Variants in SMOC2 observed in about 807,000 individuals in gnomAD.
SMOC2 encodes the protein SPARC-related modular calcium-binding protein 2.
Under a neutral mutation model 61.4 loss-of-function variants are expected in SMOC2, and 39 were observed. The ratio of observed to expected loss-of-function variants is 0.64; its 90% CI spans 0.49 to 0.83. The LOEUF (loss-of-function observed/expected upper bound fraction) is 0.83, where lower values mean the gene tolerates loss of function less well. Among genes scored for constraint, SMOC2 ranks in the 40% least tolerant of loss-of-function variants. The probability of loss-of-function intolerance (pLI) is 0.00; values close to 1 mark genes in which losing one functional copy is unlikely to be tolerated. For missense variants in SMOC2, 556 were observed against 592.9 expected (o/e 0.94, Z 0.65); for synonymous variants, 247 against 239.9 (o/e 1.03, Z -0.27).
chr6:168,526,350 G>T lies in SMOC2; in HGVS notation c.261G>T (p.Val87=). The T allele has an allele frequency of 6.2e-7, 1 of 1,614,098 alleles. No homozygotes were observed. Among genetic ancestry groups the T allele is most frequent in the Non-Finnish European group, 8.5e-7 (1 of 1,179,922 alleles). The change falls in exon 3 of 13, where the codon GTG becomes GTT. Residue 87 remains valine, a synonymous_variant. Transcript: ENST00000356284. ...EIAYRGNCKD[V]SRCVAERKYT... Reference sequence around the variant, plus strand: ...CTGCCCTGTTCTTCCCTACAGACGTGTCCAGGTGTGTGGCCGAAAGGAAGT... The same window carrying T: ...CTGCCCTGTTCTTCCCTACAGACGTTTCCAGGTGTGTGGCCGAAAGGAAGT...
chr6:168,601,580 G>A (rs1391817724), intron 8 of SMOC2, among the ~76,000 whole-genome samples: 12 of 152,294 alleles, frequency 7.9e-5, no homozygotes, highest in Admixed American at 2.0e-4. Flanking sequence ...ATGTTTCTGC[G>A]TATCTTAGAG....
At chr6:168,607,563 T>C (rs994126284) in intron 8 of SMOC2, among the ~76,000 whole-genome samples, 21 of 150,072 alleles carry the variant, frequency 1.4e-4, no homozygotes, top group Non-Finnish European at 2.7e-4. Context: ...TTGTCATTGA[T>C]GCTAAGTGGG....
At chr6:168,653,786 C>A (rs1196916585) in intron 11 of SMOC2, among the ~76,000 whole-genome samples, 2 of 148,966 alleles carry the variant, frequency 1.3e-5, no homozygotes, top group Non-Finnish European at 3.0e-5. Context: ...TACCTGAGCT[C>A]CAACCAGATG....
At chr6:168,614,300 C>T (rs1316901616) in intron 9 of SMOC2, among the ~76,000 whole-genome samples, 10 of 71,370 alleles carry the variant, frequency 1.4e-4, no homozygotes, top group Non-Finnish European at 1.9e-4. Context: ...GGCCTCTTCA[C>T]ACCTACAGCC....
intron 9 of SMOC2, among the ~76,000 whole-genome samples, chr6:168,626,883 C>T (rs1583170934): frequency 6.6e-6 from 1 of 152,194 alleles, no homozygotes; most frequent in South Asian, 2.1e-4. Context: ...GGGGCCCTGA[C>T]AGCCCAGTTC....
At chr6:168,564,426 T>C (rs1195968900) in intron 7 of SMOC2, among the ~76,000 whole-genome samples, 1 of 152,224 alleles carries the variant, frequency 6.6e-6, no homozygotes, top group Non-Finnish European at 1.5e-5. Flanking sequence ...TCAGACTTTA[T>C]GACAAATCCT....
rs1389124027 is a variant in SMOC2 at position 168,452,608 on chromosome 6, T to G, written c.84+11154T>G. Reference sequence around the variant, plus strand: ...GAACAATAAGTGCAGCAAATCAAAATTTCTGTGCTCAGATATTCAAAACAC... The same window carrying G: ...GAACAATAAGTGCAGCAAATCAAAAGTTCTGTGCTCAGATATTCAAAACAC... On this transcript the variant is annotated intron_variant, in intron 1 of 12. Transcript: ENST00000356284. This position sits in a 1 kb window ranked among gnomAD's most constrained non-coding sequence, Gnocchi z 5.0. Among the ~76,000 whole-genome samples, 1 of 152,246 alleles carries G rather than the reference T, an allele frequency of 6.6e-6. No homozygotes were observed. Among genetic ancestry groups the G allele is most frequent in the Non-Finnish European group, 1.5e-5 (1 of 68,044 alleles).
chr6:168,503,706 C>T (rs758923046), intron 1 of SMOC2, among the ~76,000 whole-genome samples: 22 of 152,232 alleles, frequency 1.4e-4, no homozygotes, highest in African/African-American at 3.4e-4. Flanking sequence ...CAGAGCCCAG[C>T]GGCACCACCC....
At chr6:168,444,922 G>A (rs563374790) in intron 1 of SMOC2, among the ~76,000 whole-genome samples, 1 of 152,250 alleles carries the variant, frequency 6.6e-6, no homozygotes, top group Admixed American at 6.5e-5. Context: ...TTTGGTTAGA[G>A]CCAAAGTATT....
At chr6:168,588,950 T>A (rs1785109359) in intron 7 of SMOC2, among the ~76,000 whole-genome samples, 2 of 146,372 alleles carry the variant, frequency 1.4e-5, no homozygotes, top group African/African-American at 4.9e-5. Context: ...CGTGGTGGTG[T>A]GTCCCTGTAG....
At chr6:168,581,483 A>G (rs1180115704) in intron 7 of SMOC2, among the ~76,000 whole-genome samples, 1 of 152,172 alleles carries the variant, frequency 6.6e-6, no homozygotes, top group East Asian at 1.9e-4. Context: ...GAAGCCCCGG[A>G]CGGGTCTGAC....
At chr6:168,469,176 G>A (rs1197738886) in intron 1 of SMOC2, among the ~76,000 whole-genome samples, 1 of 152,192 alleles carries the variant, frequency 6.6e-6, no homozygotes, top group East Asian at 1.9e-4. Context: ...GATGAAAGGG[G>A]CTGGTTCTCA....
intron 2 of SMOC2, among the ~76,000 whole-genome samples, chr6:168,515,325 G>A (rs1256343894): frequency 6.6e-6 from 1 of 152,218 alleles, no homozygotes; most frequent in African/African-American, 2.4e-5. Context: ...TGCCAAGGCG[G>A]CAAACGTTAC....
At chr6:168,608,519 C>T (rs2115204317) in intron 9 of SMOC2, among the ~76,000 whole-genome samples, 1 of 152,306 alleles carries the variant, frequency 6.6e-6, no homozygotes, top group African/African-American at 2.4e-5. Flanking sequence ...GATCAGCACA[C>T]AGCACCCTAA....
At chr6:168,523,131 G>T (rs1783371125) in intron 2 of SMOC2, among the ~76,000 whole-genome samples, 1 of 114,060 alleles carries the variant, frequency 8.8e-6, no homozygotes, top group Non-Finnish European at 1.9e-5. Context: ...GCCCAGGCCG[G>T]ACTGCGGACT....
At chr6:168,599,099 GACAC>G in intron 8 of SMOC2, 95 bp downstream of exon 8, 3 of 1,140,942 alleles carry the variant, frequency 2.6e-6, no homozygotes, top group Non-Finnish European at 3.7e-6. Flanking sequence ...AACACACACC[GACAC>G]ACAGTCACAC....
At chr6:168,513,795 C>G (rs1783065570) in intron 2 of SMOC2, among the ~76,000 whole-genome samples, 2 of 152,210 alleles carry the variant, frequency 1.3e-5, no homozygotes, top group African/African-American at 4.8e-5. Flanking sequence ...GCACTGGGTG[C>G]CCCAGAACTC....
At chr6:168,545,258 T>TA (rs11385979) in intron 5 of SMOC2, among the ~76,000 whole-genome samples, 19,835 of 145,366 alleles carry the variant, frequency 0.14, 3,803 homozygotes, top group African/African-American at 0.43. Flanking sequence ...GTACCCACTG[T>TA]AAAAAAAAAA....
At chr6:168,492,726 A>G (rs1178034121) in intron 1 of SMOC2, among the ~76,000 whole-genome samples, 1 of 152,214 alleles carries the variant, frequency 6.6e-6, no homozygotes, top group Non-Finnish European at 1.5e-5. Context: ...TCACAGGACA[A>G]AATGTGGATG....
Sources: gnomAD v4.1 joint callset for allele counts (sites outside exome capture counted in the v4.1 genomes callset) on GRCh38, gnomAD v4.1.1 for gene constraint, Gnocchi (gnomAD v3.1) non-coding constraint, MANE v1.5 for transcripts, NCBI Gene and HGNC (gene_info 2026-07-23, HGNC 2026-07-21) for gene names.